Variants in STIMATE observed in about 807,000 individuals in gnomAD.
STIMATE encodes store-operated calcium entry regulator STIMATE.
Under a neutral mutation model 36.7 loss-of-function variants are expected in STIMATE, and 15 were observed. The observed-to-expected ratio is 0.41, with a 90% CI of 0.27 to 0.63. The LOEUF (loss-of-function observed/expected upper bound fraction) is 0.63. STIMATE is among the 20% of genes least tolerant of loss of function. The pLI, the probability that STIMATE is intolerant of heterozygous loss-of-function variation, is 0.32. For missense variants in STIMATE, 305 were observed against 397.3 expected, an observed-to-expected ratio of 0.77 and a Z score of 1.98; for synonymous variants, 163 against 162.3, an observed-to-expected ratio of 1.00 and a Z score of -0.03.
intron 1 of STIMATE, among the ~76,000 whole-genome samples, chr3:52,875,320 A>C (rs562176865): frequency 2.6e-4 from 39 of 152,346 alleles, no homozygotes; most frequent in Non-Finnish European, 4.9e-4. Context: ...TCTTAGAAGA[A>C]GGCATGGCCG....
chr3:52,897,398 G>A lies in STIMATE; in HGVS notation c.53C>T (p.Ser18Phe). 6.7e-7 allele frequency: 1 copy of A among 1,493,310 alleles called. No homozygotes were observed. The allele number at this position is 1,493,310 out of a possible 1,614,324, so 92.5% of individuals were successfully genotyped here. A position where few individuals can be genotyped will look rare whatever the true frequency, so the allele number is the denominator to read the frequency against. The change falls in exon 1 of 8, where the codon TCC (serine) becomes TTC (phenylalanine). Residue 18 changes from serine (S) to phenylalanine (F), a missense_variant. Ser to Phe is a radical substitution (Grantham distance 155, BLOSUM62 -2). Transcript: ENST00000355083. ...GCGGCCCGCCCCGGACGCGACTGTG[G>A]AGGGCGGCCCGCCTGGCAGTCCCCG... ...ASRGLPGGPP[S>F]TVASGAGRCE...
At chr3:52,846,218 C>G (rs543974022) in intron 4 of STIMATE, among the ~76,000 whole-genome samples, 1 of 152,332 alleles carries the variant, frequency 6.6e-6, no homozygotes, top group East Asian at 1.9e-4. Flanking sequence ...CTTCTGAGGT[C>G]TTCCTTTCTA....
intron 1 of STIMATE, among the ~76,000 whole-genome samples, chr3:52,857,084 G>A (rs1469436098): frequency 6.6e-6 from 1 of 152,196 alleles, no homozygotes; most frequent in Non-Finnish European, 1.5e-5. Flanking sequence ...GGTGCAGGAG[G>A]AGAAGGGAGA....
intron 7 of STIMATE, among the ~76,000 whole-genome samples, 169 bp from the exon 8 acceptor site, chr3:52,840,779 A>C (rs1273178884): frequency 2.7e-5 from 4 of 149,752 alleles, no homozygotes; most frequent in Non-Finnish European, 5.9e-5. Flanking sequence ...GCCTCACTGC[A>C]ACCTCTGCCT....
chr3:52,886,424 C>T (rs114594011), intron 1 of STIMATE, among the ~76,000 whole-genome samples: 1,998 of 152,304 alleles, frequency 0.013, 19 homozygotes, highest in Non-Finnish European at 0.023. Flanking sequence ...CCTCTCAGTG[C>T]CTGTTTTCCC....
intron 1 of STIMATE, among the ~76,000 whole-genome samples, chr3:52,857,756 A>G (rs2106678535): frequency 6.7e-6 from 1 of 150,250 alleles, no homozygotes; most frequent in Non-Finnish European, 1.5e-5. Flanking sequence ...TAATTATATT[A>G]TTATTATATA....
At chr3:52,882,913 T>C (rs937294085) in intron 1 of STIMATE, among the ~76,000 whole-genome samples, 1 of 152,174 alleles carries the variant, frequency 6.6e-6, no homozygotes, top group African/African-American at 2.4e-5. Context: ...GAGCACTTGA[T>C]TTCCCAGCAT....
chr3:52,856,883 G>T (rs917458305), intron 1 of STIMATE, among the ~76,000 whole-genome samples: 1 of 152,206 alleles, frequency 6.6e-6, no homozygotes, highest in Non-Finnish European at 1.5e-5. Context: ...CTCCACTGAG[G>T]TGCTAGGCAA....
chr3:52,875,137 C>G (rs1425230181), intron 1 of STIMATE, among the ~76,000 whole-genome samples: 1 of 152,184 alleles, frequency 6.6e-6, no homozygotes, highest in African/African-American at 2.4e-5. Flanking sequence ...CAGGCATAAG[C>G]TGGAATAAAA....
intron 1 of STIMATE, among the ~76,000 whole-genome samples, chr3:52,868,203 T>G (rs1020827701): frequency 1.3e-5 from 2 of 152,346 alleles, no homozygotes; most frequent in Admixed American, 1.3e-4. Flanking sequence ...CAGAAGTCAC[T>G]GAGGTAGCCT....
intron 1 of STIMATE, among the ~76,000 whole-genome samples, chr3:52,888,735 G>A (rs1451162920): frequency 6.6e-6 from 1 of 152,224 alleles, no homozygotes; most frequent in African/African-American, 2.4e-5. Context: ...AGCATTTTAA[G>A]TAAGATGAAT....
intron 1 of STIMATE, among the ~76,000 whole-genome samples, chr3:52,895,427 C>T (rs1488463141): frequency 6.6e-6 from 1 of 152,174 alleles, no homozygotes; most frequent in Non-Finnish European, 1.5e-5. Context: ...ATCACTCCTA[C>T]CCACATCACC....
In STIMATE at chr3:52,842,933, A is replaced by G; in HGVS notation, c.646T>C (p.Phe216Leu). The G allele has an allele frequency of 4.3e-6, 7 of 1,614,192 alleles. No individual in the cohort carries two copies. The highest frequency in any genetic ancestry group is 5.1e-6 in the Non-Finnish European group (6 of 1,180,040). The change falls in exon 7 of 8, where the codon TTC becomes CTC. Residue 216 changes from phenylalanine (F) to leucine (L), a missense_variant. Coordinates refer to ENST00000355083, the MANE Select transcript of STIMATE (RefSeq NM_198563.5). The part of the protein sequence containing the change: ...NALMFWVVDN[F>L]LMRKGKTKAK... ...TTCGTCTTCCCCTTTCTCATGAGGA[A>G]ATTGTCCACTACCCAAAACATCAAA...
chr3:52,841,284 T>A (rs1307050104), intron 7 of STIMATE, among the ~76,000 whole-genome samples: 2 of 152,256 alleles, frequency 1.3e-5, no homozygotes, highest in Non-Finnish European at 2.9e-5. Context: ...TGAAGCTGCC[T>A]TAAATACTGC....
intron 1 of STIMATE, among the ~76,000 whole-genome samples, chr3:52,861,393 G>A (rs994666036): frequency 1.3e-5 from 2 of 152,204 alleles, no homozygotes; most frequent in Admixed American, 1.3e-4. Flanking sequence ...CAGACTCGCG[G>A]CCTTTTGTGT....
rs148674586 is a variant in STIMATE, at chr3:52,874,336, G to A, written c.161-18892C>T. ...TGGAAAAAACCCTCATGCTAAATGG[G>A]GGGAAAAAAGCAAATCATTAAAACG... is the stretch of plus-strand genomic sequence containing the variant. On this transcript the variant is annotated intron_variant, in intron 1 of 7. Coordinates refer to ENST00000355083, the MANE Select transcript of STIMATE (RefSeq NM_198563.5). Among the ~76,000 whole-genome samples, 21 of 152,224 alleles carry A rather than the reference G, an allele frequency of 1.4e-4. 1 individual carries two copies. The East Asian group carries it at 4.0e-3, about 29-fold the overall frequency.
At chr3:52,886,866 G>A (rs1354616388) in intron 1 of STIMATE, among the ~76,000 whole-genome samples, 1 of 152,240 alleles carries the variant, frequency 6.6e-6, no homozygotes. Flanking sequence ...CATCACGTAT[G>A]CAGGCAGCAG....
intron 1 of STIMATE, among the ~76,000 whole-genome samples, chr3:52,886,236 C>T (rs916891231): frequency 2.6e-5 from 4 of 152,150 alleles, no homozygotes; most frequent in Non-Finnish European, 4.4e-5. Flanking sequence ...AGGACAGGAA[C>T]GTGCAGAGGT....
intron 1 of STIMATE, among the ~76,000 whole-genome samples, chr3:52,865,722 C>G (rs1701296380): frequency 6.6e-6 from 1 of 152,212 alleles, no homozygotes; most frequent in South Asian, 2.1e-4. Flanking sequence ...GGTGGGGACA[C>G]AGAGCCAAAC....
Sources: allele counts gnomAD v4.1 joint callset (sites outside exome capture counted in the v4.1 genomes callset), GRCh38; gene constraint gnomAD v4.1.1; transcripts MANE v1.5; gene names NCBI Gene and HGNC (gene_info 2026-07-23, HGNC 2026-07-21).